Variants in NBEAL1 observed in about 807,000 individuals in gnomAD.
NBEAL1 encodes the protein neurobeachin like 1, also known as neurobeachin-like protein 1.
NBEAL1 carries 273 observed loss-of-function variants against 351.3 expected under a neutral mutation model. The ratio of observed to expected loss-of-function variants is 0.78; its 90% CI spans 0.70 to 0.86. NBEAL1 has a LOEUF of 0.86. Among genes scored for constraint, NBEAL1 ranks in the 40% least tolerant of loss-of-function variants. The pLI, the probability that NBEAL1 is intolerant of heterozygous loss-of-function variation, is 0.00. For missense variants in NBEAL1, 2,961 were observed against 3,201.3 expected (o/e 0.92, Z 1.81); for synonymous variants, 1,050 against 1,086.4 (o/e 0.97, Z 0.66).
In NBEAL1 at chr2:203,138,255, G is replaced by T. The variant is rs183146311; in HGVS notation, c.4659G>T (p.Leu1553=). The change falls in exon 30 of 56, where the codon CTG becomes CTT. Residue 1553 remains leucine, a synonymous_variant. Coordinates refer to ENST00000683969, the MANE Select transcript of NBEAL1 (RefSeq NM_001378026.1). ...VTAENAFRLV[L]IIQDFLQSEG... is the part of the protein sequence containing the mutation. Reference sequence around the variant, plus strand: ...CTGAAAACGCCTTCCGACTAGTGCTGATCATACAGGACTTTCTTCAGTCAG... The same window carrying T: ...CTGAAAACGCCTTCCGACTAGTGCTTATCATACAGGACTTTCTTCAGTCAG... 1 of 1,614,098 alleles carries T rather than the reference G, an allele frequency of 6.2e-7. No homozygotes were observed. Among genetic ancestry groups the T allele is most frequent in the Non-Finnish European group, 8.5e-7 (1 of 1,179,964 alleles).
Position 203,132,060 on chromosome 2 carries a change from G to C in NBEAL1, c.3652G>C (p.Gly1218Arg). ...CAGAGAAGTTGGCTACTCGGGACTGGGACTCCTTCTTAATGAAGCACTTGT... is the reference window on the plus strand; with the variant it reads ...CAGAGAAGTTGGCTACTCGGGACTGCGACTCCTTCTTAATGAAGCACTTGT... ...RLREVGYSGLGLLLNEALVNT... is the reference protein window; with the variant it reads ...RLREVGYSGLRLLLNEALVNT... Residue 1218 changes from glycine to arginine, a missense_variant, in exon 26 of 56, where the codon GGA becomes CGA. Transcript: ENST00000683969. 6.4e-7 allele frequency: 1 copy of C among 1,553,350 alleles called. No homozygotes were observed. The highest frequency in any genetic ancestry group is 2.4e-5 in the East Asian group (1 of 42,018).
At chr2:203,070,359 C>CTTTTTTTT (rs34588218) in intron 7 of NBEAL1, among the ~76,000 whole-genome samples, 2 of 92,336 alleles carry the variant, frequency 2.2e-5, no homozygotes, top group African/African-American at 8.4e-5. Flanking sequence ...CTCTCTCTCT[C>CTTTTTTTT]TTTTTTTTTT....
intron 40 of NBEAL1, among the ~76,000 whole-genome samples, chr2:203,172,322 A>G (rs1482803629): frequency 1.3e-5 from 2 of 152,122 alleles, no homozygotes; most frequent in African/African-American, 4.8e-5. Context: ...GGAGTTTGAG[A>G]CGAGCCTAGT....
chr2:203,037,361 G>C (rs2061057479), intron 2 of NBEAL1, among the ~76,000 whole-genome samples: 1 of 149,070 alleles, frequency 6.7e-6, no homozygotes, highest in Non-Finnish European at 1.5e-5. Context: ...AGGAAGTATT[G>C]AGGAGGCAAA....
At chr2:203,203,882 C>T (rs2065470518) in intron 51 of NBEAL1, among the ~76,000 whole-genome samples, 1 of 151,544 alleles carries the variant, frequency 6.6e-6, no homozygotes, top group African/African-American at 2.4e-5. Context: ...TACATATGAA[C>T]TTATGTTTTA....
At position 203,125,456 on chromosome 2, in the gene NBEAL1, A is replaced by G; in HGVS notation, c.2787A>G (p.Thr929=). The G allele has an allele frequency of 6.5e-7, 1 of 1,547,046 alleles. No homozygotes were observed. The highest frequency in any genetic ancestry group is 2.4e-5 in the East Asian group (1 of 40,936). Residue 929 remains threonine (T), a synonymous_variant, in exon 20 of 56, where the codon ACA becomes ACG. Coordinates refer to ENST00000683969, the MANE Select transcript of NBEAL1 (RefSeq NM_001378026.1). ...GQIPEEKNES[T]VPESVTPVEG... is the part of the protein sequence containing the mutation. ...TTCCTGAAGAAAAGAATGAAAGCACAGTTCCTGAATCAGTAACACCTGTTG... is the reference window on the plus strand; with the variant it reads ...TTCCTGAAGAAAAGAATGAAAGCACGGTTCCTGAATCAGTAACACCTGTTG...
intron 15 of NBEAL1, 84 bp downstream of exon 15, chr2:203,110,366 T>A: frequency 1.4e-6 from 2 of 1,445,116 alleles, no homozygotes; most frequent in Non-Finnish European, 9.3e-7. Context: ...AGCAGTCATT[T>A]TTTTGCTAAA....
intron 36 of NBEAL1, among the ~76,000 whole-genome samples, chr2:203,165,091 C>T (rs990698125): frequency 6.6e-6 from 1 of 152,064 alleles, no homozygotes; most frequent in East Asian, 1.9e-4. Flanking sequence ...GAACTCCCGA[C>T]CTCAGGTGAT....
chr2:203,147,951 T>A (rs1333926328), intron 33 of NBEAL1, among the ~76,000 whole-genome samples: 1 of 152,028 alleles, frequency 6.6e-6, no homozygotes, highest in African/African-American at 2.4e-5. Context: ...TAGAAATACC[T>A]AATTTAAGAA....
chr2:203,185,579 G>A (rs914699698), intron 44 of NBEAL1, among the ~76,000 whole-genome samples: 2 of 152,172 alleles, frequency 1.3e-5, no homozygotes, highest in Non-Finnish European at 2.9e-5. Flanking sequence ...AGTTCAGTGG[G>A]TTGGCTGGCC....
chr2:203,148,713 G>T (rs1355363247), intron 33 of NBEAL1, among the ~76,000 whole-genome samples: 5 of 151,492 alleles, frequency 3.3e-5, no homozygotes, highest in Admixed American at 3.3e-4. Context: ...TAAAAGTTCT[G>T]TGTTGAGGCA....
At chr2:203,101,008 T>C (rs1010190936) in intron 12 of NBEAL1, among the ~76,000 whole-genome samples, 2 of 152,208 alleles carry the variant, frequency 1.3e-5, no homozygotes, top group Non-Finnish European at 2.9e-5. Context: ...CTGTAGGTTG[T>C]CTGTTTACTC....
intron 44 of NBEAL1, among the ~76,000 whole-genome samples, chr2:203,187,842 G>A (rs953455786): frequency 6.6e-6 from 1 of 152,044 alleles, no homozygotes; most frequent in Non-Finnish European, 1.5e-5. Flanking sequence ...ACTTTAAAAT[G>A]TACTGTTTGG....
chr2:203,099,616 T>TC lies in NBEAL1; in HGVS notation c.1186-8dup, dbSNP rs2062265732. On this transcript the variant is annotated splice_polypyrimidine_tract_variant and intron_variant, in intron 11 of 55. Coordinates refer to ENST00000683969, the MANE Select transcript of NBEAL1 (RefSeq NM_001378026.1). ...CATTTGTTAATTTCTTGTTTCCCCT[T>TC]CCCCCTCAATAGGTGTTTCAGGGAC... is the stretch of plus-strand genomic sequence containing the variant. 9 of 1,510,368 alleles carry TC rather than the reference T, an allele frequency of 6.0e-6. No homozygotes were observed. The South Asian group carries it at 1.0e-4, about 17-fold the overall frequency. The allele number at this position is 1,510,368 out of a possible 1,614,324, so 93.6% of individuals were successfully genotyped here. A position where few individuals can be genotyped will look rare whatever the true frequency, so the allele number is the denominator to read the frequency against.
chr2:203,220,853 ATTAAG>A lies in NBEAL1; in HGVS notation c.*3504_*3508del, dbSNP rs1196266921. On this transcript the variant is annotated 3_prime_UTR_variant, in exon 56 of 56. Transcript: ENST00000683969. ...TTAGCCTGTGAAGCTCACGTCTGTT[ATTAAG>A]TTAATAACAAAATTAAAATCTGTTA... is the stretch of plus-strand genomic sequence containing the variant. Among the ~76,000 whole-genome samples, 1 of 152,218 alleles carries A rather than the reference ATTAAG, an allele frequency of 6.6e-6. No individual in the cohort carries two copies. Among genetic ancestry groups the A allele is most frequent in the East Asian group, 1.9e-4 (1 of 5,202 alleles).
intron 8 of NBEAL1, among the ~76,000 whole-genome samples, chr2:203,081,062 C>G (rs887277986): frequency 2.0e-5 from 3 of 152,030 alleles, no homozygotes; most frequent in South Asian, 2.1e-4. Context: ...TTTTATGTAC[C>G]AAAAATCCTT....
chr2:203,134,515 C>G (rs1575020859), intron 27 of NBEAL1, among the ~76,000 whole-genome samples: 1 of 152,062 alleles, frequency 6.6e-6, no homozygotes, highest in Non-Finnish European at 1.5e-5. Context: ...AAGTCCTTAC[C>G]AACATTGTTC....
chr2:203,037,704 T>C (rs970343094), intron 2 of NBEAL1, among the ~76,000 whole-genome samples: 1 of 148,978 alleles, frequency 6.7e-6, no homozygotes, highest in Admixed American at 6.8e-5. Context: ...TCGAGGTGGC[T>C]CAACCTATAA....
At chr2:203,174,419 G>GT (rs1367567695) in intron 41 of NBEAL1, among the ~76,000 whole-genome samples, 1 of 151,894 alleles carries the variant, frequency 6.6e-6, no homozygotes, top group African/African-American at 2.4e-5. Flanking sequence ...AACAATATAT[G>GT]TAGCACTTTT....
Sources: gnomAD v4.1 joint callset for allele counts (sites outside exome capture counted in the v4.1 genomes callset) on GRCh38, gnomAD v4.1.1 for gene constraint, MANE v1.5 for transcripts, NCBI Gene and HGNC (gene_info 2026-07-23, HGNC 2026-07-21) for gene names.